The following TOMM70 variants were observed in gnomAD, a reference collection of about 807,000 sequenced individuals.
TOMM70 encodes translocase of outer mitochondrial membrane 70.
Under a neutral mutation model 73.6 loss-of-function variants are expected in TOMM70, and 13 were observed. The ratio of observed to expected loss-of-function variants is 0.18; its 90% CI spans 0.11 to 0.28. TOMM70 has a LOEUF of 0.28. Ranked by LOEUF, TOMM70 falls within the 10% of genes least tolerant of loss-of-function variation. The pLI is 1.00. For missense variants in TOMM70, 609 were observed against 747.5 expected (o/e 0.81, Z 2.16); for synonymous variants, 257 against 271.2 (o/e 0.95, Z 0.51).
rs768203450 is a variant in TOMM70, at chr3:100,375,155, A to G, written c.1093-3T>C. ...TTGATGAGAGCATTTGCTCGAAGCT[A>G]TATACCCCAAGTGAGGAAAGGTTCA... On this transcript the variant is annotated splice_region_variant and splice_polypyrimidine_tract_variant and intron_variant, in intron 6 of 11. Transcript: ENST00000284320. 2.5e-6 allele frequency: 4 copies of G among 1,583,894 alleles called. No homozygotes were observed. The highest frequency in any genetic ancestry group is 1.8e-5 in the Admixed American group (1 of 55,234).
At position 100,369,050 on chromosome 3, in the gene TOMM70, T is replaced by C; in HGVS notation, c.1538A>G (p.Tyr513Cys). 1 of 1,604,048 alleles carries C rather than the reference T, an allele frequency of 6.2e-7. No homozygotes were observed. Among genetic ancestry groups the C allele is most frequent in the South Asian group, 1.1e-5 (1 of 90,528 alleles). ...IDLEPDNATT[Y>C]VHKGLLQLQW... Reference sequence around the variant, plus strand: ...CAAAAATACATACCCTTTATGAACATATGTTGTAGCATTATCTGGTTCCAA... The same window carrying C: ...CAAAAATACATACCCTTTATGAACACATGTTGTAGCATTATCTGGTTCCAA... The change falls in exon 10 of 12, where the codon TAT becomes TGT. Residue 513 changes from tyrosine to cysteine, a missense_variant. Tyr to Cys is a radical substitution (Grantham distance 194). Transcript: ENST00000284320.
rs1456720290 is a variant in TOMM70, at chr3:100,365,676, A to G, written c.1715T>C (p.Ile572Thr). Residue 572 changes from isoleucine to threonine, a missense_variant, in exon 12 of 12, where the codon ATT (isoleucine) becomes ACT (threonine). By Grantham distance (89) the Ile-to-Thr change is moderately conservative. Coordinates refer to ENST00000284320, the MANE Select transcript of TOMM70 (RefSeq NM_014820.5). Reference protein sequence around the residue: ...EKAIDMFNKAINLAKSEMEMA... With the variant: ...EKAIDMFNKATNLAKSEMEMA... ...CTCCATTTCCGATTTGGCCAGGTTA[A>G]TAGCTTTGTTGAACATGTCAATGGC... 3 of 1,614,208 alleles carry G rather than the reference A, an allele frequency of 1.9e-6. No homozygotes were observed. Among genetic ancestry groups the G allele is most frequent in the Non-Finnish European group, 2.5e-6 (3 of 1,180,026 alleles).
At chr3:100,397,800 A>C (rs1302547829) in intron 1 of TOMM70, among the ~76,000 whole-genome samples, 1 of 152,038 alleles carries the variant, frequency 6.6e-6, no homozygotes, top group Non-Finnish European at 1.5e-5. Context: ...GAGGCAGGAC[A>C]ATCTCTTGAG....
intron 5 of TOMM70, among the ~76,000 whole-genome samples, chr3:100,379,744 G>T (rs576213963): frequency 1.5e-4 from 23 of 152,114 alleles, no homozygotes; most frequent in South Asian, 8.3e-4. Flanking sequence ...AGCCTCCCCA[G>T]TTGCTGAGAC....
At chr3:100,393,654 G>A (rs1265600912) in intron 1 of TOMM70, among the ~76,000 whole-genome samples, 2 of 150,768 alleles carry the variant, frequency 1.3e-5, no homozygotes, top group Admixed American at 6.6e-5. Context: ...CTTGTCAAAC[G>A]AGGCAGAACC....
intron 1 of TOMM70, among the ~76,000 whole-genome samples, chr3:100,394,269 CT>C (rs1249954250): frequency 6.6e-6 from 1 of 152,096 alleles, no homozygotes; most frequent in Non-Finnish European, 1.5e-5. Flanking sequence ...ATATATTATA[CT>C]TGAATCACAG....
At chr3:100,383,953 C>T (rs564318783) in intron 4 of TOMM70, among the ~76,000 whole-genome samples, 38 of 152,292 alleles carry the variant, frequency 2.5e-4, no homozygotes, top group African/African-American at 8.4e-4. Flanking sequence ...AAATGCCAAA[C>T]ATGTAGCTTT....
intron 1 of TOMM70, among the ~76,000 whole-genome samples, chr3:100,394,292 T>C (rs1224727246): frequency 3.3e-5 from 5 of 152,098 alleles, no homozygotes; most frequent in Admixed American, 2.0e-4. Flanking sequence ...TTTATAGAAG[T>C]AGCAAATAAC....
chr3:100,386,466 G>C (rs1429207980), intron 2 of TOMM70, 122 bp from the exon 3 acceptor site: 2 of 1,056,584 alleles, frequency 1.9e-6, no homozygotes, highest in South Asian at 2.1e-5. Context: ...CTAATACAAA[G>C]AGTTAATATC....
At chr3:100,384,706 T>G in intron 3 of TOMM70, 118 bp from the exon 4 acceptor site, 1 of 596,672 alleles carries the variant, frequency 1.7e-6, no homozygotes. Flanking sequence ...CAAATGGGAC[T>G]GTTTCATTTC....
At chr3:100,397,689 G>A (rs1706840412) in intron 1 of TOMM70, among the ~76,000 whole-genome samples, 1 of 152,158 alleles carries the variant, frequency 6.6e-6, no homozygotes, top group Non-Finnish European at 1.5e-5. Flanking sequence ...AGGAGTTTGA[G>A]ACCAGCCTGG....
chr3:100,395,741 C>A (rs1377240687), intron 1 of TOMM70, among the ~76,000 whole-genome samples: 1 of 152,046 alleles, frequency 6.6e-6, no homozygotes, highest in Admixed American at 6.6e-5. Context: ...AATGAAACTT[C>A]ATTCATTCAA....
rs1431589431 is a variant in TOMM70 at position 100,400,892 on chromosome 3, C to G, written c.58G>C (p.Gly20Arg). The G allele has an allele frequency of 1.3e-6, 2 of 1,530,888 alleles. No individual in the cohort carries two copies. Among genetic ancestry groups the G allele is most frequent in the East Asian group, 5.0e-5 (2 of 40,034 alleles). 94.8% of individuals were successfully genotyped at this position (1,530,888 alleles called of 1,614,324 possible). A position where few individuals can be genotyped will look rare whatever the true frequency, so the allele number is the denominator to read the frequency against. Residue 20 changes from glycine to arginine, a missense_variant, in exon 1 of 12, where the codon GGG becomes CGG. Physicochemically the swap from Gly to Arg is moderately radical, Grantham distance 125. Around this residue, in one of 2 missense-constraint regions of TOMM70, gnomAD observed 177 missense variants for 163.5 expected, o/e 1.08. Coordinates refer to ENST00000284320, the MANE Select transcript of TOMM70 (RefSeq NM_014820.5). Reference sequence around the variant, plus strand: ...GTCCCGCCGCCGCCCACCCCACTCCCGGAGCTCGGTACAGCGGCTGCGACC... The same window carrying G: ...GTCCCGCCGCCGCCCACCCCACTCCGGGAGCTCGGTACAGCGGCTGCGACC... ...AVVAAAVPSS[G>R]SGVGGGGTAG...
At chr3:100,381,012 A>G (rs532246900) in intron 5 of TOMM70, among the ~76,000 whole-genome samples, 5 of 152,312 alleles carry the variant, frequency 3.3e-5, no homozygotes, top group Non-Finnish European at 7.3e-5. Context: ...TACCCTTGAC[A>G]GAAAAATACA....
At chr3:100,387,593 GACACAGACAC>G (rs1476018596) in intron 1 of TOMM70, among the ~76,000 whole-genome samples, 19 of 98,706 alleles carry the variant, frequency 1.9e-4, no homozygotes, top group South Asian at 1.6e-3. Flanking sequence ...CACAGACACA[GACACAGACAC>G]ACACACACAC....
intron 11 of TOMM70, among the ~76,000 whole-genome samples, chr3:100,367,249 C>T (rs992140206): frequency 6.6e-6 from 1 of 151,866 alleles, no homozygotes; most frequent in African/African-American, 2.4e-5. Context: ...ATTTACATGC[C>T]ACTGTGGGTA....
intron 3 of TOMM70, among the ~76,000 whole-genome samples, chr3:100,385,673 A>G (rs1168051089): frequency 6.6e-6 from 1 of 152,232 alleles, no homozygotes; most frequent in Non-Finnish European, 1.5e-5. Flanking sequence ...AATGAGAATG[A>G]CAAATTCACT....
At chr3:100,391,885 C>T (rs1706767343) in intron 1 of TOMM70, among the ~76,000 whole-genome samples, 1 of 152,160 alleles carries the variant, frequency 6.6e-6, no homozygotes, top group Admixed American at 6.5e-5. Flanking sequence ...ATGTCCTAGG[C>T]CTTTACTTTC....
Position 100,365,540 on chromosome 3 carries a change from G to A in TOMM70, c.*24C>T, listed in dbSNP as rs1576208238. On this transcript the variant is annotated 3_prime_UTR_variant, in exon 12 of 12. Transcript: ENST00000284320. ...AAGAGGGGGTAAACTTTTAAAAAGA[G>A]GGTCAGTCTGCTTTCCCCCTGTTTT... 1 of 1,613,776 alleles carries A rather than the reference G, an allele frequency of 6.2e-7. No homozygotes were observed. Among genetic ancestry groups the A allele is most frequent in the African/African-American group, 1.3e-5 (1 of 74,924 alleles).
Sources: gnomAD v4.1 joint callset for allele counts (sites outside exome capture counted in the v4.1 genomes callset) on GRCh38, gnomAD v4.1.1 for gene constraint, gnomAD v4.1.1 regional missense constraint, MANE v1.5 for transcripts, NCBI Gene and HGNC (gene_info 2026-07-23, HGNC 2026-07-21) for gene names.